The following LIPA variants were observed in gnomAD, a reference collection of about 807,000 sequenced individuals.
LIPA encodes the protein lipase A, lysosomal acid type, also known as lysosomal acid lipase/cholesteryl ester hydrolase.
A neutral mutation model predicts 40.6 loss-of-function variants in LIPA; 26 were observed. That is an observed-to-expected ratio of 0.64 (90% CI 0.47 to 0.89). The LOEUF (loss-of-function observed/expected upper bound fraction) is 0.89. LIPA is among the 40% of genes least tolerant of loss of function. LIPA has a pLI of 0.00. For missense variants in LIPA, 455 were observed against 479.6 expected (o/e 0.95, Z 0.48); for synonymous variants, 188 against 168.4 (o/e 1.12, Z -0.90).
chr10:89,236,097 T>C (rs7073192), intron 3 of LIPA, among the ~76,000 whole-genome samples: 17,445 of 152,182 alleles, frequency 0.11, 2,180 homozygotes, highest in African/African-American at 0.31. Context: ...ATGTCATGAA[T>C]GCATAAAATA....
chr10:89,345,034 G>A (rs1589617016), upstream of LIPA, among the ~76,000 whole-genome samples: 2 of 151,414 alleles, frequency 1.3e-5, no homozygotes, highest in East Asian at 3.9e-4. Flanking sequence ...AGGCATAGTG[G>A]CGGGCATCTG....
chr10:89,401,978 A>C (rs1335768745), intron 2 of LIPA, among the ~76,000 whole-genome samples: 1 of 152,196 alleles, frequency 6.6e-6, no homozygotes, highest in Non-Finnish European at 1.5e-5. Flanking sequence ...TAAGTGCTTG[A>C]CACATATAAG....
chr10:89,384,263 C>G, intron 2 of LIPA: 1 of 1,614,180 alleles, frequency 6.2e-7, no homozygotes, highest in Non-Finnish European at 8.5e-7. Context: ...GATAGGGAAA[C>G]TGTGGACAGA....
intron 3 of LIPA, among the ~76,000 whole-genome samples, chr10:89,231,711 C>G (rs1842844866): frequency 6.6e-6 from 1 of 152,182 alleles, no homozygotes; most frequent in Admixed American, 6.5e-5. Context: ...CTCCTGGCCT[C>G]AAGTGATTCT....
intron 2 of LIPA, among the ~76,000 whole-genome samples, chr10:89,377,073 C>T (rs1035928981): frequency 6.6e-6 from 1 of 152,214 alleles, no homozygotes; most frequent in Admixed American, 6.5e-5. Flanking sequence ...TACAGGATGA[C>T]ATTGTAACAA....
chr10:89,309,998 T>C (rs538846955), intron 1 of LIPA, among the ~76,000 whole-genome samples: 176 of 152,352 alleles, frequency 1.2e-3, no homozygotes, highest in Middle Eastern at 3.4e-3. Context: ...CTGCTACTTA[T>C]GTAGCTTCAA....
At chr10:89,403,934 A>G in intron 2 of LIPA, 1 of 409,150 alleles carries the variant, frequency 2.4e-6, no homozygotes, top group Non-Finnish European at 4.3e-6. Context: ...GCTATGTAGT[A>G]GAGAAAAAAT....
In LIPA at chr10:89,338,666, T is replaced by A. The variant is rs1447395064; in HGVS notation, c.-2+3945A>T. 3.1e-6 allele frequency: 5 copies of A among 1,610,336 alleles called. No homozygotes were observed. In the African/African-American group the frequency reaches 6.7e-5, roughly 22 times the overall value. On this transcript the variant is annotated intron_variant, in intron 1 of 5. Coordinates refer to the LIPA transcript ENST00000282673. ...CATGTTTATTTTCTCCACAGTGAGGTCACCAAGAATTCCCTGGAGAAAATC... is the reference window on the plus strand; with the variant it reads ...CATGTTTATTTTCTCCACAGTGAGGACACCAAGAATTCCCTGGAGAAAATC...
intron 1 of LIPA, among the ~76,000 whole-genome samples, chr10:89,258,466 TA>T (rs200702666): frequency 6.6e-6 from 1 of 151,898 alleles, no homozygotes; most frequent in Non-Finnish European, 1.5e-5. Context: ...CTTTTTTTTC[TA>T]AAAAAAAGAC....
intron 1 of LIPA, among the ~76,000 whole-genome samples, chr10:89,329,622 C>T: frequency 6.6e-6 from 1 of 151,530 alleles, no homozygotes; most frequent in East Asian, 1.9e-4. Context: ...CACGTGCCAG[C>T]TGATGGGCAT....
At chr10:89,353,987 T>A (rs11492877) in intron 2 of LIPA, among the ~76,000 whole-genome samples, 119 of 152,254 alleles carry the variant, frequency 7.8e-4, no homozygotes, top group Non-Finnish European at 1.1e-3. Flanking sequence ...TCACTTCCCC[T>A]TATTCCTGCT....
chr10:89,215,050 G>A lies in LIPA; in HGVS notation c.978C>T (p.Pro326=). The change falls in exon 10 of 10, where the codon CCC becomes CCT. Residue 326 remains proline (P), a synonymous_variant. Transcript: ENST00000336233. ...CAAGCATGTCCTTCACATTGTATGT[G>A]GGAGGATAACTCTACAATGAAAAGG... is the stretch of plus-strand genomic sequence containing the variant. ...NYFHYNQSYP[P]TYNVKDMLVP... The A allele has an allele frequency of 6.2e-7, 1 of 1,611,226 alleles. No individual in the cohort carries two copies. The highest frequency in any genetic ancestry group is 8.5e-7 in the Non-Finnish European group (1 of 1,177,356).
chr10:89,366,293 A>G (rs1844056439), intron 2 of LIPA, among the ~76,000 whole-genome samples: 1 of 152,178 alleles, frequency 6.6e-6, no homozygotes, highest in Admixed American at 6.5e-5. Flanking sequence ...TTGCACATTG[A>G]TTTTGTATCC....
At chr10:89,412,541 C>G (rs541626763) in intron 2 of LIPA, 1 of 179,826 alleles carries the variant, frequency 5.6e-6, no homozygotes, top group Non-Finnish European at 1.2e-5. Context: ...GGGTCTGCTT[C>G]CACGTCGTGG....
At chr10:89,252,742 G>T (rs1843145851), upstream of LIPA, among the ~76,000 whole-genome samples, 1 of 146,414 alleles carries the variant, frequency 6.8e-6, no homozygotes, top group Non-Finnish European at 1.5e-5. Context: ...GTAGGTGGAG[G>T]TTGCAGTGAG....
chr10:89,228,506 A>G, intron 3 of LIPA, 108 bp from the exon 4 acceptor site: 1 of 959,860 alleles, frequency 1.0e-6, no homozygotes, highest in South Asian at 1.3e-5. Flanking sequence ...ATAATGAACT[A>G]GAAATAAATT....
chr10:89,357,900 T>C (rs543612602), intron 2 of LIPA, among the ~76,000 whole-genome samples: 2 of 152,352 alleles, frequency 1.3e-5, no homozygotes, highest in East Asian at 3.9e-4. Flanking sequence ...GTATATCTTA[T>C]TCAAAAGGTA....
At chr10:89,237,832 A>C (rs1379247173) in intron 3 of LIPA, among the ~76,000 whole-genome samples, 1 of 152,168 alleles carries the variant, frequency 6.6e-6, no homozygotes, top group Non-Finnish European at 1.5e-5. Context: ...TTCAATACCA[A>C]AGGCATCGAA....
intron 1 of LIPA, among the ~76,000 whole-genome samples, chr10:89,310,536 A>T (rs1487554053): frequency 6.6e-6 from 1 of 152,206 alleles, no homozygotes; most frequent in Non-Finnish European, 1.5e-5. Context: ...ACTAATATGT[A>T]AGAAATTTTC....
Sources: gnomAD v4.1 joint callset for allele counts (sites outside exome capture counted in the v4.1 genomes callset) on GRCh38, gnomAD v4.1.1 for gene constraint, MANE v1.5 for transcripts, NCBI Gene and HGNC (gene_info 2026-07-23, HGNC 2026-07-21) for gene names.